Variants in SGSM1 observed in about 807,000 individuals in gnomAD.
SGSM1 encodes small G protein signaling modulator 1.
Under a neutral mutation model 133.8 loss-of-function variants are expected in SGSM1, and 73 were observed. The observed-to-expected ratio is 0.55, with a 90% CI of 0.45 to 0.66. SGSM1 has a LOEUF of 0.66. Among genes scored for constraint, SGSM1 ranks in the 30% least tolerant of loss-of-function variants. The pLI is 0.00. For synonymous variants in SGSM1, 563 were observed against 573.0 expected, an observed-to-expected ratio of 0.98 and a Z score of 0.25; for missense variants, 1,213 against 1,448.1, an observed-to-expected ratio of 0.84 and a Z score of 2.64.
At chr22:24,891,810 G>T (rs972483705) in intron 16 of SGSM1, among the ~76,000 whole-genome samples, 1 of 152,110 alleles carries the variant, frequency 6.6e-6, no homozygotes, top group African/African-American at 2.4e-5. Flanking sequence ...CTGGTTGTTC[G>T]TAAATTCTCA....
At chr22:24,867,918 A>T (rs990109488) in intron 10 of SGSM1, among the ~76,000 whole-genome samples, 28 of 152,032 alleles carry the variant, frequency 1.8e-4, no homozygotes, top group African/African-American at 6.5e-4. Context: ...ACTCTTAGGG[A>T]TATTGTGAGT....
chr22:24,813,678 G>A (rs1209845839), intron 2 of SGSM1: 1 of 152,206 alleles, frequency 6.6e-6, no homozygotes, highest in Non-Finnish European at 1.5e-5. Context: ...GCTTTTTCAG[G>A]TCTCTGGCAA....
chr22:24,855,704 A>G, intron 8 of SGSM1, 24 bp downstream of exon 8: 2 of 1,613,876 alleles, frequency 1.2e-6, no homozygotes, highest in Non-Finnish European at 1.7e-6. Context: ...TTGGGCCTAG[A>G]TCTTGCACTG....
In SGSM1 at chr22:24,890,251, C is replaced by G. The variant is rs532737043; in HGVS notation, c.1771-3180C>G. ...GATTACAGGCATGAGCCACCACGCC[C>G]GGACTTAAACGGATTTTTGACTTAA... On this transcript the variant is annotated intron_variant, in intron 16 of 24. Coordinates refer to ENST00000400358, the MANE Select transcript of SGSM1 (RefSeq NM_001098497.3). 2.6e-5 allele frequency among the ~76,000 whole-genome samples: 4 copies of G among 152,284 alleles called. No homozygotes were observed. The East Asian group carries it at 7.7e-4, about 29-fold the overall frequency.
intron 8 of SGSM1, among the ~76,000 whole-genome samples, chr22:24,856,441 C>T (rs564601279): frequency 6.6e-6 from 1 of 152,326 alleles, no homozygotes; most frequent in East Asian, 1.9e-4. Context: ...ATCACTCAGT[C>T]ACCTTCTCTG....
At position 24,898,226 on chromosome 22, in the gene SGSM1, G is replaced by T; in HGVS notation, c.2277G>T (p.Arg759Ser). The T allele has an allele frequency of 6.2e-7, 1 of 1,613,548 alleles. No homozygotes were observed. Among genetic ancestry groups the T allele is most frequent in the Non-Finnish European group, 8.5e-7 (1 of 1,179,554 alleles). Residue 759 changes from arginine to serine, a missense_variant, in exon 19 of 25, where the codon AGG becomes AGT. Coordinates refer to ENST00000400358, the MANE Select transcript of SGSM1 (RefSeq NM_001098497.3). ...LRPRDGSVDDRQSSEATTSQD... is the reference protein window; with the variant it reads ...LRPRDGSVDDSQSSEATTSQD... ...CTAGGGATGGCAGCGTGGATGACAG[G>T]CAGAGCAGCGAGGCCACCACATCTC...
chr22:24,885,177 T>C (rs564043253), intron 15 of SGSM1, among the ~76,000 whole-genome samples: 1 of 152,194 alleles, frequency 6.6e-6, no homozygotes, highest in South Asian at 2.1e-4. Context: ...TCAGGTGGTC[T>C]GCCCGCCTCA....
chr22:24,894,581 T>A (rs977149172), intron 17 of SGSM1, among the ~76,000 whole-genome samples: 2 of 152,218 alleles, frequency 1.3e-5, no homozygotes, highest in African/African-American at 4.8e-5. Flanking sequence ...GCACCAGCTG[T>A]CCGTAACTGG....
At chr22:24,920,110 G>A in intron 24 of SGSM1, 117 bp downstream of exon 24, 1 of 1,067,666 alleles carries the variant, frequency 9.4e-7, no homozygotes, top group Non-Finnish European at 1.3e-6. Context: ...GGATAAAGAG[G>A]GCTCTGCACA....
intron 21 of SGSM1, among the ~76,000 whole-genome samples, chr22:24,911,179 G>A (rs1194417720): frequency 2.0e-5 from 3 of 152,050 alleles, no homozygotes; most frequent in Non-Finnish European, 4.4e-5. Flanking sequence ...CGAGGCTGCA[G>A]TGAGCCGTGA....
At position 24,855,605 on chromosome 22, in the gene SGSM1, C is replaced by A. The variant is rs372141292; in HGVS notation, c.726C>A (p.Arg242=). 1.2e-3 allele frequency: 2,011 copies of A among 1,613,836 alleles called. 3 individuals carry two copies. Among genetic ancestry groups the A allele is most frequent in the Non-Finnish European group, 1.4e-3 (1,700 of 1,179,888 alleles). The change falls in exon 8 of 25, where the codon CGC becomes CGA. Residue 242 remains arginine, a synonymous_variant. Transcript: ENST00000400358. ...ATGACCGGCCATCCCTCTCTGCCCG[C>A]GACTACGTGGAGTCCCTGCATCAGA... The part of the protein sequence containing the change: ...SMDDRPSLSA[R]DYVESLHQNS...
At chr22:24,856,421 A>T (rs545704725) in intron 8 of SGSM1, among the ~76,000 whole-genome samples, 1 of 152,272 alleles carries the variant, frequency 6.6e-6, no homozygotes, top group Admixed American at 6.5e-5. Flanking sequence ...CTGGTGCCAT[A>T]GTCAGTGCCA....
chr22:24,919,297 G>A (rs1271156980), intron 23 of SGSM1, among the ~76,000 whole-genome samples: 3 of 151,706 alleles, frequency 2.0e-5, no homozygotes, highest in Admixed American at 2.0e-4. Flanking sequence ...TGATCCACCC[G>A]CCTCGGCCTC....
At chr22:24,843,032 G>GA (rs56754766) in intron 2 of SGSM1, among the ~76,000 whole-genome samples, 2,258 of 148,188 alleles carry the variant, frequency 0.015, 57 homozygotes, top group African/African-American at 0.053. Flanking sequence ...CATGATGGGA[G>GA]AAAAAAAAAA....
Position 24,904,982 on chromosome 22 carries a change from G to A in SGSM1, c.2736-123G>A, listed in dbSNP as rs141411398. 1.2e-4 allele frequency: 91 copies of A among 787,028 alleles called. 1 individual carries two copies. In the Middle Eastern group the frequency reaches 1.9e-3, roughly 16 times the overall value. The allele number at this position is 787,028 out of a possible 1,614,324, so 48.8% of individuals were successfully genotyped here. A position where few individuals can be genotyped will look rare whatever the true frequency, so the allele number is the denominator to read the frequency against. On this transcript the variant is annotated intron_variant, in intron 20 of 24. Transcript: ENST00000400358. ...GAGAGAGATCGGGGATGGAGATGCA[G>A]GCAGGAGGCTGAGGGAGGGGTCCAG... is the stretch of plus-strand genomic sequence containing the variant.
At chr22:24,901,725 G>A (rs1400211776) in intron 19 of SGSM1, 108 bp from the exon 20 acceptor site, 6 of 1,233,686 alleles carry the variant, frequency 4.9e-6, no homozygotes, top group Middle Eastern at 2.1e-4. Flanking sequence ...TATTTTCAGT[G>A]ACAACAGGAG....
chr22:24,840,585 C>T (rs187569604), intron 2 of SGSM1, among the ~76,000 whole-genome samples: 7 of 150,460 alleles, frequency 4.7e-5, no homozygotes, highest in South Asian at 2.1e-4. Context: ...TCAGGTAATC[C>T]GCCCGCCTCA....
intron 16 of SGSM1, among the ~76,000 whole-genome samples, chr22:24,887,898 A>G (rs1932708311): frequency 6.6e-6 from 1 of 152,260 alleles, no homozygotes. Context: ...GCCACCTGAC[A>G]TGGATAATTG....
In SGSM1 at chr22:24,821,463, G is replaced by A. The variant is rs183863101; in HGVS notation, c.63+14979G>A. 8.1e-3 allele frequency among the ~76,000 whole-genome samples: 1,231 copies of A among 152,340 alleles called. 13 individuals are homozygous for A. The highest frequency in any genetic ancestry group is 0.028 in the African/African-American group (1,173 of 41,582). On this transcript the variant is annotated intron_variant, in intron 2 of 24. Coordinates refer to ENST00000400358, the MANE Select transcript of SGSM1 (RefSeq NM_001098497.3). ...AGCATTGGAGGAAGGCAAGGGAGCA[G>A]GAAGTGAGGAGGAGAGAGATGCGAG...
Sources: allele counts gnomAD v4.1 joint callset (sites outside exome capture counted in the v4.1 genomes callset), GRCh38; gene constraint gnomAD v4.1.1; transcripts MANE v1.5; gene names NCBI Gene and HGNC (gene_info 2026-07-23, HGNC 2026-07-21).